Variants in FKBP5 observed in about 807,000 individuals in gnomAD.
The protein encoded by FKBP5 is FKBP prolyl isomerase 5.
FKBP5 carries 23 observed loss-of-function variants against 50.5 expected under a neutral mutation model. That is an observed-to-expected ratio of 0.46 (90% CI 0.33 to 0.65). FKBP5 has a LOEUF of 0.65. FKBP5 is among the 30% of genes least tolerant of loss of function. FKBP5 has a pLI of 0.02. For synonymous variants in FKBP5, 176 were observed against 190.6 expected, an observed-to-expected ratio of 0.92 and a Z score of 0.63; for missense variants, 411 against 553.1, an observed-to-expected ratio of 0.74 and a Z score of 2.58.
chr6:35,638,029 G>A (rs1344112368), intron 2 of FKBP5, among the ~76,000 whole-genome samples: 1 of 152,100 alleles, frequency 6.6e-6, no homozygotes, highest in Admixed American at 6.5e-5. Context: ...TCATTGCACT[G>A]CTTGATATGA....
At chr6:35,624,285 A>C (rs1288675538) in intron 3 of FKBP5, among the ~76,000 whole-genome samples, 1 of 152,188 alleles carries the variant, frequency 6.6e-6, no homozygotes, top group Non-Finnish European at 1.5e-5. Context: ...GCAAAATATC[A>C]ACATGAGACA....
At position 35,644,922 on chromosome 6, in the gene FKBP5, G is replaced by C. The variant is rs944769400; in HGVS notation, c.-19-2079C>G. The stretch of plus-strand genomic sequence containing the variant: ...GCTGACATCCATCAATAGATCTCTG[G>C]GTGTAAAGCACTGAACAAATGAAAA... On this transcript the variant is annotated intron_variant, in intron 1 of 10. Coordinates refer to ENST00000357266, the MANE Select transcript of FKBP5 (RefSeq NM_004117.4). 2.0e-5 allele frequency among the ~76,000 whole-genome samples: 3 copies of C among 152,042 alleles called. No homozygotes were observed. In the East Asian group the frequency reaches 5.8e-4, roughly 29 times the overall value.
intron 5 of FKBP5, among the ~76,000 whole-genome samples, chr6:35,599,875 C>T (rs1216107843): frequency 1.3e-5 from 2 of 152,104 alleles, no homozygotes; most frequent in African/African-American, 4.8e-5. Flanking sequence ...TAAACTTTTT[C>T]AAATACAGTC....
intron 5 of FKBP5, among the ~76,000 whole-genome samples, chr6:35,601,155 T>C (rs955329194): frequency 6.6e-6 from 1 of 152,208 alleles, no homozygotes; most frequent in South Asian, 2.1e-4. Context: ...CTAATCTTTT[T>C]TTTCCTGGTA....
chr6:35,725,219 G>A (rs917929381), intron 1 of FKBP5, among the ~76,000 whole-genome samples: 4 of 152,124 alleles, frequency 2.6e-5, no homozygotes, highest in African/African-American at 9.7e-5. Flanking sequence ...ACTCCTGGGG[G>A]TGAGAGGATG....
intron 3 of FKBP5, among the ~76,000 whole-genome samples, chr6:35,625,811 G>A (rs891786392): frequency 1.3e-5 from 2 of 148,478 alleles, no homozygotes; most frequent in Non-Finnish European, 1.5e-5. Context: ...ATGGAGTCTC[G>A]CTCTGTCGCC....
intron 1 of FKBP5, chr6:35,651,799 A>C (rs1458708049): frequency 2.0e-5 from 7 of 349,114 alleles, no homozygotes. Flanking sequence ...TATTTAATGC[A>C]CAAAATTATT....
At position 35,714,814 on chromosome 6, in the gene FKBP5, CA is replaced by C. The variant is rs113161701; in HGVS notation, c.-20+5513del. Among the ~76,000 whole-genome samples, 528 of 138,866 alleles carry C rather than the reference CA, an allele frequency of 3.8e-3. 5 individuals are homozygous for C. The highest frequency in any genetic ancestry group is 0.015 in the Middle Eastern group (4 of 270). The allele number at this position is 138,866 out of a possible 152,430, so 91.1% of individuals were successfully genotyped here. ...AGGCAACAAGAGTGAAACTCTGTCTCAAAAAAAAAAAAAAAATTCTGTGTTC... is the reference window on the plus strand; with the variant it reads ...AGGCAACAAGAGTGAAACTCTGTCTCAAAAAAAAAAAAAAATTCTGTGTTC... On this transcript the variant is annotated intron_variant, in intron 2 of 11. Coordinates refer to the FKBP5 transcript ENST00000536438.
intron 1 of FKBP5, among the ~76,000 whole-genome samples, chr6:35,727,862 C>A (rs1179228060): frequency 5.9e-5 from 9 of 152,200 alleles, no homozygotes; most frequent in Non-Finnish European, 8.8e-5. Flanking sequence ...CTAATCCAGG[C>A]GCCACCCAAG....
chr6:35,710,141 C>T (rs1301975323), intron 2 of FKBP5, among the ~76,000 whole-genome samples: 2 of 152,126 alleles, frequency 1.3e-5, no homozygotes, highest in African/African-American at 4.8e-5. Flanking sequence ...AGCAGGGCAG[C>T]ATCTGTGTGC....
intron 2 of FKBP5, among the ~76,000 whole-genome samples, chr6:35,719,741 G>A (rs1052298544): frequency 2.0e-5 from 3 of 152,198 alleles, no homozygotes; most frequent in Non-Finnish European, 2.9e-5. Context: ...GACCAGGGAT[G>A]GGGCAGAGCC....
In FKBP5 at chr6:35,670,094, A is replaced by G. The variant is rs1485147921; in HGVS notation, c.-20+18710T>C. Among the ~76,000 whole-genome samples the G allele has an allele frequency of 4.6e-5, 7 of 152,330 alleles. No homozygotes were observed. In the South Asian group the frequency reaches 1.0e-3, roughly 23 times the overall value. ...AATCCTTTTCAATGAATAGGTTAAT[A>G]TAAATTATAAATTAAAGAAAACTTA... is the stretch of plus-strand genomic sequence containing the variant. On this transcript the variant is annotated intron_variant, in intron 1 of 10. Coordinates refer to ENST00000357266, the MANE Select transcript of FKBP5 (RefSeq NM_004117.4).
intron 5 of FKBP5, among the ~76,000 whole-genome samples, chr6:35,614,302 A>G (rs1763579342): frequency 6.6e-6 from 1 of 152,196 alleles, no homozygotes; most frequent in South Asian, 2.1e-4. Context: ...AATAGGGTGG[A>G]AATAATGGGG....
At chr6:35,667,837 C>T (rs548542626) in intron 1 of FKBP5, among the ~76,000 whole-genome samples, 4 of 151,942 alleles carry the variant, frequency 2.6e-5, no homozygotes, top group South Asian at 2.1e-4. Context: ...TGGTGGCGGG[C>T]GCCTGTAATC....
At chr6:35,629,834 G>T (rs1340217628) in intron 3 of FKBP5, among the ~76,000 whole-genome samples, 1 of 152,158 alleles carries the variant, frequency 6.6e-6, no homozygotes, top group African/African-American at 2.4e-5. Flanking sequence ...AAAAACCAAA[G>T]TAAGTACTTT....
At chr6:35,728,054 A>G (rs1271929641) in intron 1 of FKBP5, among the ~76,000 whole-genome samples, 2 of 152,176 alleles carry the variant, frequency 1.3e-5, no homozygotes, top group Admixed American at 6.5e-5. Context: ...AGCCGCGAGC[A>G]CAAACAGGGC....
intron 1 of FKBP5, among the ~76,000 whole-genome samples, chr6:35,656,080 C>A (rs1196470567): frequency 6.6e-6 from 1 of 152,202 alleles, no homozygotes; most frequent in Non-Finnish European, 1.5e-5. Flanking sequence ...AATACTGTAT[C>A]CTCTTACAGT....
At chr6:35,669,847 A>G (rs1408685979) in intron 1 of FKBP5, among the ~76,000 whole-genome samples, 1 of 152,220 alleles carries the variant, frequency 6.6e-6, no homozygotes, top group African/African-American at 2.4e-5. Context: ...TTACTGGACA[A>G]TAACTATAAA....
chr6:35,683,266 C>T (rs1765732043), intron 1 of FKBP5, among the ~76,000 whole-genome samples: 4 of 150,438 alleles, frequency 2.7e-5, no homozygotes, highest in Admixed American at 2.7e-4. Flanking sequence ...GATTCTCTTG[C>T]TTCACCCTTC....
Sources: allele counts gnomAD v4.1 joint callset (sites outside exome capture counted in the v4.1 genomes callset), GRCh38; gene constraint gnomAD v4.1.1; transcripts MANE v1.5; gene names NCBI Gene and HGNC (gene_info 2026-07-23, HGNC 2026-07-21).